Variants in SSBP2 observed in about 807,000 individuals in gnomAD.
SSBP2 encodes single-stranded DNA-binding protein 2.
SSBP2 carries 17 observed loss-of-function variants against 61.8 expected under a neutral mutation model. The ratio of observed to expected loss-of-function variants is 0.28; its 90% CI spans 0.19 to 0.41. The LOEUF (loss-of-function observed/expected upper bound fraction) is 0.41. SSBP2 is among the 10% of genes least tolerant of loss of function. The pLI is 1.00. For synonymous variants in SSBP2, 139 were observed against 141.3 expected (o/e 0.98, Z 0.12); for missense variants, 310 against 458.7 (o/e 0.68, Z 2.96).
intron 1 of SSBP2, among the ~76,000 whole-genome samples, chr5:81,656,366 A>C (rs866153577): frequency 6.6e-6 from 1 of 152,188 alleles, no homozygotes; most frequent in Non-Finnish European, 1.5e-5. Flanking sequence ...ATAAAAATTT[A>C]AAAAATACAT....
intron 4 of SSBP2, among the ~76,000 whole-genome samples, chr5:81,605,234 ATCT>A (rs1267913189): frequency 4.6e-5 from 7 of 152,248 alleles, no homozygotes; most frequent in African/African-American, 1.4e-4. Flanking sequence ...TACAGTGTCT[ATCT>A]TCTTATACTT....
At chr5:81,504,640 A>G (rs1158481951) in intron 5 of SSBP2, among the ~76,000 whole-genome samples, 1 of 152,136 alleles carries the variant, frequency 6.6e-6, no homozygotes, top group Non-Finnish European at 1.5e-5. Context: ...AAACTTTTGC[A>G]ATGCTGCCTA....
At chr5:81,716,419 CATT>C (rs1755175180) in intron 1 of SSBP2, among the ~76,000 whole-genome samples, 1 of 152,094 alleles carries the variant, frequency 6.6e-6, no homozygotes, top group South Asian at 2.1e-4. Context: ...CTAATTATAA[CATT>C]AATGCATGCT....
At chr5:81,511,415 C>G (rs767299301) in intron 5 of SSBP2, among the ~76,000 whole-genome samples, 3 of 152,182 alleles carry the variant, frequency 2.0e-5, no homozygotes, top group Non-Finnish European at 2.9e-5. Context: ...CTAAAGATCT[C>G]TGATGGCTCC....
At chr5:81,678,940 A>T (rs1434805730) in intron 1 of SSBP2, among the ~76,000 whole-genome samples, 1 of 152,194 alleles carries the variant, frequency 6.6e-6, no homozygotes, top group Non-Finnish European at 1.5e-5. Context: ...CATCTGTCAG[A>T]CTTGGGTCTA....
intron 2 of SSBP2, among the ~76,000 whole-genome samples, chr5:81,639,348 A>G (rs1748565396): frequency 6.6e-6 from 1 of 152,202 alleles, no homozygotes; most frequent in African/African-American, 2.4e-5. Flanking sequence ...CTGACTAAAT[A>G]CTTTTGCATG....
intron 4 of SSBP2, among the ~76,000 whole-genome samples, chr5:81,578,848 T>C (rs1774431566): frequency 1.3e-5 from 2 of 151,906 alleles, no homozygotes; most frequent in African/African-American, 2.4e-5. Context: ...TTTTGTACGA[T>C]GGGAAAATAC....
At chr5:81,537,093 C>T (rs1561514699) in intron 4 of SSBP2, among the ~76,000 whole-genome samples, 3 of 151,896 alleles carry the variant, frequency 2.0e-5, no homozygotes, top group South Asian at 2.1e-4. Flanking sequence ...TTAAAAATTT[C>T]GTTAGTTGAC....
chr5:81,476,571 T>C (rs982666333), intron 6 of SSBP2, among the ~76,000 whole-genome samples: 1 of 152,248 alleles, frequency 6.6e-6, no homozygotes, highest in Non-Finnish European at 1.5e-5. Flanking sequence ...TTTCTCAGTG[T>C]ATCACATTAG....
chr5:81,699,795 T>G (rs1344363801), intron 1 of SSBP2, among the ~76,000 whole-genome samples: 1 of 152,112 alleles, frequency 6.6e-6, no homozygotes, highest in Non-Finnish European at 1.5e-5. Context: ...TAAATTTACT[T>G]TGCCCAAATT....
At chr5:81,490,288 T>C (rs1008552754) in intron 5 of SSBP2, among the ~76,000 whole-genome samples, 1 of 152,054 alleles carries the variant, frequency 6.6e-6, no homozygotes, top group African/African-American at 2.4e-5. Context: ...GAGACTATTT[T>C]TGATCATCCA....
chr5:81,691,134 A>G (rs991317695), intron 1 of SSBP2, among the ~76,000 whole-genome samples: 1 of 152,094 alleles, frequency 6.6e-6, no homozygotes, highest in African/African-American at 2.4e-5. Flanking sequence ...AACTTCAAAT[A>G]AACAATCTAA....
At chr5:81,456,296 T>C (rs1306845399) in intron 10 of SSBP2, among the ~76,000 whole-genome samples, 2 of 151,894 alleles carry the variant, frequency 1.3e-5, no homozygotes, top group Non-Finnish European at 2.9e-5. Context: ...TGTTTATGCC[T>C]ATCCCCTCTT....
intron 1 of SSBP2, among the ~76,000 whole-genome samples, chr5:81,702,441 G>C (rs424844): frequency 0.47 from 71,885 of 152,028 alleles, 17,656 homozygotes; most frequent in Middle Eastern, 0.69. Context: ...GATAGAATCT[G>C]CCTACTACTC....
intron 1 of SSBP2, among the ~76,000 whole-genome samples, chr5:81,734,342 A>G (rs1756457201): frequency 6.6e-6 from 1 of 152,240 alleles, no homozygotes; most frequent in African/African-American, 2.4e-5. Context: ...AGGGCTGGCA[A>G]AACTATTTTT....
At chr5:81,427,142 C>T (rs565483590) in intron 16 of SSBP2, among the ~76,000 whole-genome samples, 66 of 151,822 alleles carry the variant, frequency 4.3e-4, no homozygotes, top group Admixed American at 7.9e-4. Flanking sequence ...TAAAATTACT[C>T]GAAAAGGAAA....
intron 4 of SSBP2, among the ~76,000 whole-genome samples, chr5:81,542,451 T>A (rs1771347089): frequency 6.6e-6 from 1 of 152,068 alleles, no homozygotes. Flanking sequence ...AAAAGACACA[T>A]ACACTCACAT....
At chr5:81,607,692 C>A (rs1275650397) in intron 4 of SSBP2, among the ~76,000 whole-genome samples, 1 of 152,128 alleles carries the variant, frequency 6.6e-6, no homozygotes, top group Non-Finnish European at 1.5e-5. Context: ...AGTTGTCCCC[C>A]TTATACAATA....
intron 1 of SSBP2, among the ~76,000 whole-genome samples, chr5:81,745,031 T>C (rs1296254975): frequency 1.3e-5 from 2 of 152,154 alleles, no homozygotes; most frequent in African/African-American, 4.8e-5. Flanking sequence ...GTTCCATTTT[T>C]CAAAAATTCT....
Sources: gnomAD v4.1 joint callset for allele counts (sites outside exome capture counted in the v4.1 genomes callset) on GRCh38, gnomAD v4.1.1 for gene constraint, MANE v1.5 for transcripts, NCBI Gene and HGNC (gene_info 2026-07-23, HGNC 2026-07-21) for gene names.